Variants in ITGBL1 observed in about 807,000 individuals in gnomAD.
ITGBL1 encodes integrin beta-like protein 1.
ITGBL1 carries 51 observed loss-of-function variants against 68.5 expected under a neutral mutation model. The ratio of observed to expected loss-of-function variants is 0.74; its 90% CI spans 0.59 to 0.94. The LOEUF is 0.94. ITGBL1 is among the 40% of genes least tolerant of loss of function. The pLI is 0.00. For missense variants in ITGBL1, 649 were observed against 647.4 expected, an observed-to-expected ratio of 1.00 and a Z score of -0.03; for synonymous variants, 209 against 227.3, an observed-to-expected ratio of 0.92 and a Z score of 0.72.
intron 7 of ITGBL1, among the ~76,000 whole-genome samples, chr13:101,671,158 G>A (rs936264439): frequency 6.6e-6 from 1 of 152,038 alleles, no homozygotes; most frequent in Non-Finnish European, 1.5e-5. Context: ...CTTGCTTACA[G>A]GTTTCTGATA....
chr13:101,471,022 A>G (rs117389867), intron 2 of ITGBL1, among the ~76,000 whole-genome samples: 1 of 152,346 alleles, frequency 6.6e-6, no homozygotes, highest in Non-Finnish European at 1.5e-5. Flanking sequence ...TTTGTTATTA[A>G]GTTACACCAT....
chr13:101,625,235 G>A (rs972581356), intron 7 of ITGBL1, among the ~76,000 whole-genome samples: 2 of 152,184 alleles, frequency 1.3e-5, no homozygotes, highest in African/African-American at 4.8e-5. Context: ...TGTACAGATT[G>A]ACTTAGTAAA....
In ITGBL1 at chr13:101,567,849, A is replaced by G; in HGVS notation, c.463+4A>G. The G allele has an allele frequency of 6.2e-7, 1 of 1,610,936 alleles. No individual in the cohort carries two copies. Among genetic ancestry groups the G allele is most frequent in the Non-Finnish European group, 8.5e-7 (1 of 1,178,112 alleles). ...GACATCATCTGCTCTAATGCAGGTA[A>G]GAAGTATACCCTGTGAAAATTGTTA... On this transcript the variant is annotated splice_donor_region_variant and intron_variant, in intron 3 of 10. Coordinates refer to ENST00000376180, the MANE Select transcript of ITGBL1 (RefSeq NM_004791.3).
chr13:101,671,083 A>T (rs1342761772), intron 7 of ITGBL1, among the ~76,000 whole-genome samples: 1 of 152,186 alleles, frequency 6.6e-6, no homozygotes, highest in Non-Finnish European at 1.5e-5. Flanking sequence ...ATCTACTGTT[A>T]CAGTTTTGTT....
At chr13:101,637,136 G>A (rs998803916) in intron 7 of ITGBL1, among the ~76,000 whole-genome samples, 5 of 152,078 alleles carry the variant, frequency 3.3e-5, no homozygotes, top group African/African-American at 1.2e-4. Flanking sequence ...GAACAAGTTT[G>A]CTAATGTTCC....
rs1482228336 is a variant in ITGBL1, at chr13:101,604,878, A to ATG, written c.1015+6580_1015+6581insGT. On this transcript the variant is annotated intron_variant, in intron 7 of 10. Transcript: ENST00000376180. ...TATATATATATATATATATATATATATATATATATACACACACACACACAT... is the reference window on the plus strand; with the variant it reads ...TATATATATATATATATATATATATATGTATATATATACACACACACACACAT... Among the ~76,000 whole-genome samples the ATG allele has an allele frequency of 3.3e-4, 20 of 60,332 alleles. 2 individuals carry two copies. In the East Asian group the frequency reaches 4.1e-3, roughly 12 times the overall value. The allele number at this position is 60,332 out of a possible 152,430, so 39.6% of individuals were successfully genotyped here.
chr13:101,540,582 C>T (rs564173100), intron 2 of ITGBL1, among the ~76,000 whole-genome samples: 2 of 152,218 alleles, frequency 1.3e-5, no homozygotes, highest in African/African-American at 4.8e-5. Context: ...TTTTCCAATT[C>T]TGTGAAGAAA....
intron 2 of ITGBL1, among the ~76,000 whole-genome samples, chr13:101,551,619 A>G (rs188748178): frequency 6.6e-6 from 1 of 152,288 alleles, no homozygotes; most frequent in East Asian, 1.9e-4. Context: ...AATTTGGAGG[A>G]ATCATGAAAA....
chr13:101,490,085 C>G (rs979106114), intron 2 of ITGBL1: 1 of 842,472 alleles, frequency 1.2e-6, no homozygotes, highest in Non-Finnish European at 1.9e-6. Context: ...TGTTGAAATT[C>G]TAACCCCCAG....
chr13:101,462,367 G>T (rs1198472515), intron 2 of ITGBL1, among the ~76,000 whole-genome samples: 1 of 152,184 alleles, frequency 6.6e-6, no homozygotes, highest in East Asian at 1.9e-4. Context: ...GGTTTCAGGA[G>T]CAAGGGTATG....
At chr13:101,672,163 T>A (rs1480828713) in intron 7 of ITGBL1, among the ~76,000 whole-genome samples, 1 of 152,246 alleles carries the variant, frequency 6.6e-6, no homozygotes, top group Non-Finnish European at 1.5e-5. Flanking sequence ...AAGATTGGGA[T>A]GACTGTAGAG....
intron 2 of ITGBL1, among the ~76,000 whole-genome samples, chr13:101,497,035 C>G (rs1489266782): frequency 6.6e-6 from 1 of 152,114 alleles, no homozygotes; most frequent in African/African-American, 2.4e-5. Context: ...GAGGGCAAAG[C>G]CCACAGTGTG....
chr13:101,544,989 C>G (rs1052215923), intron 2 of ITGBL1, among the ~76,000 whole-genome samples: 3 of 152,234 alleles, frequency 2.0e-5, no homozygotes, highest in African/African-American at 7.2e-5. Flanking sequence ...TCCCTGACCC[C>G]TTGTGCTTCC....
intron 2 of ITGBL1, among the ~76,000 whole-genome samples, chr13:101,491,449 G>T (rs1238212202): frequency 1.3e-5 from 2 of 152,094 alleles, no homozygotes; most frequent in Non-Finnish European, 2.9e-5. Context: ...CATTTGAAGG[G>T]ATTTTATAAT....
chr13:101,613,991 T>C (rs2031246334), intron 7 of ITGBL1, among the ~76,000 whole-genome samples: 1 of 137,756 alleles, frequency 7.3e-6, no homozygotes, highest in Admixed American at 8.6e-5. Flanking sequence ...TATTGCTCTG[T>C]GGTGTCCTTT....
At chr13:101,665,174 T>C (rs1031279327) in intron 7 of ITGBL1, among the ~76,000 whole-genome samples, 3 of 152,230 alleles carry the variant, frequency 2.0e-5, no homozygotes, top group African/African-American at 7.2e-5. Flanking sequence ...AATAAACTTG[T>C]GAATTTTCTT....
chr13:101,590,531 A>T (rs1050541071), intron 6 of ITGBL1, among the ~76,000 whole-genome samples: 1 of 152,166 alleles, frequency 6.6e-6, no homozygotes, highest in African/African-American at 2.4e-5. Context: ...GTATTGTTCT[A>T]ACCTTCACAG....
chr13:101,606,254 T>A (rs1301852883), intron 7 of ITGBL1, among the ~76,000 whole-genome samples: 3 of 150,074 alleles, frequency 2.0e-5, no homozygotes, highest in Non-Finnish European at 3.0e-5. Flanking sequence ...TAATTTCTTA[T>A]TTCTGCTGGT....
chr13:101,695,577 G>C (rs1438026717), intron 8 of ITGBL1, among the ~76,000 whole-genome samples: 1 of 152,172 alleles, frequency 6.6e-6, no homozygotes, highest in East Asian at 1.9e-4. Flanking sequence ...GTGTGTTTGT[G>C]GGTTGGTAGG....
Sources: allele counts gnomAD v4.1 joint callset (sites outside exome capture counted in the v4.1 genomes callset), GRCh38; gene constraint gnomAD v4.1.1; transcripts MANE v1.5; gene names NCBI Gene and HGNC (gene_info 2026-07-23, HGNC 2026-07-21).